SAMMSON: variants seen among roughly 807,000 people sequenced by gnomAD.
SAMMSON encodes long intergenic non-protein coding RNA 1212.
chr3:70,114,146 G>A (rs900735772), intron 4 of SAMMSON, among the ~76,000 whole-genome samples: 4 of 152,168 alleles, frequency 2.6e-5, no homozygotes, highest in Non-Finnish European at 5.9e-5. Context: ...CAGAGGAGCG[G>A]GTCAGAAGGA....
chr3:70,093,652 A>G (rs959361194), intron 4 of SAMMSON, among the ~76,000 whole-genome samples: 11 of 152,174 alleles, frequency 7.2e-5, no homozygotes, highest in African/African-American at 2.7e-4. Flanking sequence ...TATGGTGCAC[A>G]GAGATCCCTG....
intron 4 of SAMMSON, among the ~76,000 whole-genome samples, chr3:70,182,718 G>A (rs779118404): frequency 1.3e-5 from 2 of 152,180 alleles, no homozygotes; most frequent in Non-Finnish European, 2.9e-5. Flanking sequence ...AATGGAGATG[G>A]CAGAACCGTT....
intron 6 of SAMMSON, among the ~76,000 whole-genome samples, chr3:70,278,445 T>C (rs1403346285): frequency 1.3e-5 from 2 of 152,174 alleles, no homozygotes; most frequent in Non-Finnish European, 2.9e-5. Flanking sequence ...AATTGTAGAA[T>C]GGGAAGACTT....
At chr3:70,044,723 A>G (rs923569402) in intron 3 of SAMMSON, among the ~76,000 whole-genome samples, 1 of 151,788 alleles carries the variant, frequency 6.6e-6, no homozygotes, top group East Asian at 1.9e-4. Context: ...TCTAAGCAAT[A>G]TTTATTGTAG....
chr3:70,098,398 C>T (rs1039081260), intron 4 of SAMMSON, among the ~76,000 whole-genome samples: 15 of 151,834 alleles, frequency 9.9e-5, no homozygotes, highest in Admixed American at 2.6e-4. Flanking sequence ...GACGGAATCT[C>T]GCTCTCTCTC....
chr3:70,418,801 T>C (rs1012222255), intron 2 of SAMMSON, among the ~76,000 whole-genome samples: 2 of 152,196 alleles, frequency 1.3e-5, no homozygotes, highest in Non-Finnish European at 2.9e-5. Context: ...ACAAGCCTTA[T>C]CTGGGAAAGA....
intron 4 of SAMMSON, among the ~76,000 whole-genome samples, chr3:70,167,287 C>A (rs1410584043): frequency 3.3e-5 from 5 of 151,890 alleles, no homozygotes; most frequent in African/African-American, 1.2e-4. Flanking sequence ...GGTAGAAACA[C>A]AAATGGCTTG....
At chr3:70,297,170 A>C (rs1300727328) in intron 7 of SAMMSON, among the ~76,000 whole-genome samples, 1 of 152,106 alleles carries the variant, frequency 6.6e-6, no homozygotes, top group Non-Finnish European at 1.5e-5. Context: ...CTGCTTGTCA[A>C]ATTTACTATT....
chr3:70,209,760 C>T (rs4527342), intron 4 of SAMMSON, among the ~76,000 whole-genome samples: 1 of 152,086 alleles, frequency 6.6e-6, no homozygotes, highest in African/African-American at 2.4e-5. Flanking sequence ...TCAGCAAAAC[C>T]TCCTCACCCT....
intron 2 of SAMMSON, among the ~76,000 whole-genome samples, chr3:70,402,697 A>C (rs1701149529): frequency 6.6e-6 from 1 of 152,086 alleles, no homozygotes; most frequent in Non-Finnish European, 1.5e-5. Flanking sequence ...CCTCACCTCT[A>C]CTAAAAATAC....
intron 4 of SAMMSON, among the ~76,000 whole-genome samples, chr3:70,136,613 T>C (rs776940357): frequency 1.4e-4 from 21 of 152,246 alleles, no homozygotes; most frequent in Non-Finnish European, 2.1e-4. Context: ...GTTTACTTTT[T>C]GCTTCAGACC....
intron 4 of SAMMSON, among the ~76,000 whole-genome samples, chr3:70,176,784 T>C (rs1233913482): frequency 1.3e-5 from 2 of 152,210 alleles, no homozygotes; most frequent in Admixed American, 1.3e-4. Context: ...TCAAATATTA[T>C]ATAAACTGGT....
At chr3:70,180,004 ATGTGTGTGTG>A (rs10555321) in intron 4 of SAMMSON, among the ~76,000 whole-genome samples, 1 of 148,098 alleles carries the variant, frequency 6.8e-6, no homozygotes, top group Admixed American at 6.8e-5. Context: ...TGTGCTTCGT[ATGTGTGTGTG>A]TGTGTGTGTG....
intron 4 of SAMMSON, among the ~76,000 whole-genome samples, chr3:70,169,813 G>T (rs1266100728): frequency 6.6e-6 from 1 of 151,790 alleles, no homozygotes; most frequent in Non-Finnish European, 1.5e-5. Flanking sequence ...TAGGAACAGA[G>T]CACCGAGGGT....
At chr3:70,427,427 A>G (rs897240560) in intron 2 of SAMMSON, among the ~76,000 whole-genome samples, 2 of 152,310 alleles carry the variant, frequency 1.3e-5, no homozygotes, top group South Asian at 2.1e-4. Flanking sequence ...AGGATTACCT[A>G]AAAGGTGATC....
intron 4 of SAMMSON, among the ~76,000 whole-genome samples, chr3:70,234,733 G>T (rs1701591677): frequency 6.6e-6 from 1 of 151,692 alleles, no homozygotes; most frequent in Admixed American, 6.6e-5. Context: ...TGAAATCTTT[G>T]TGATCTACTC....
At chr3:70,300,487 T>G (rs1293805832) in intron 7 of SAMMSON, among the ~76,000 whole-genome samples, 4 of 152,016 alleles carry the variant, frequency 2.6e-5, no homozygotes, top group African/African-American at 9.7e-5. Context: ...ATATGTGTAT[T>G]TTTCCAGCAA....
chr3:70,133,058 C>T (rs890391787), intron 4 of SAMMSON, among the ~76,000 whole-genome samples: 5 of 152,004 alleles, frequency 3.3e-5, no homozygotes, highest in Admixed American at 1.3e-4. Context: ...CCTTCCAACC[C>T]CCATTTTCTA....
intron 3 of SAMMSON, among the ~76,000 whole-genome samples, chr3:70,051,452 C>CAA (rs886662062): frequency 7.0e-6 from 1 of 142,132 alleles, no homozygotes; most frequent in African/African-American, 2.6e-5. Flanking sequence ...ATTCTAATGG[C>CAA]AAAAACCACA....
Sources: allele counts gnomAD v4.1 joint callset (sites outside exome capture counted in the v4.1 genomes callset), GRCh38; gene constraint gnomAD v4.1.1; transcripts MANE v1.5; gene names NCBI Gene and HGNC (gene_info 2026-07-23, HGNC 2026-07-21).